PXDNL: variants seen among roughly 807,000 people sequenced by gnomAD.
PXDNL encodes peroxidasin like.
In PXDNL, 145 loss-of-function variants were observed where a neutral mutation model predicts 150.8. The observed-to-expected ratio is 0.96, with a 90% CI of 0.84 to 1.10. The LOEUF (loss-of-function observed/expected upper bound fraction) is 1.10, where lower values mean the gene tolerates loss of function less well. Among genes scored for constraint, PXDNL ranks in the 50% least tolerant of loss-of-function variants. The pLI, the probability that PXDNL is intolerant of heterozygous loss-of-function variation, is 0.00. For missense variants in PXDNL, 2,087 were observed against 1,873.9 expected (o/e 1.11, Z -2.10); for synonymous variants, 757 against 725.7 (o/e 1.04, Z -0.69).
intron 1 of PXDNL, among the ~76,000 whole-genome samples, chr8:51,765,895 G>A (rs1017985718): frequency 5.3e-5 from 8 of 150,506 alleles, no homozygotes; most frequent in African/African-American, 2.0e-4. Context: ...CCAGGCTGGA[G>A]TGCAGTGGTG....
At chr8:51,445,532 T>G (rs2129916145) in intron 12 of PXDNL, among the ~76,000 whole-genome samples, 1 of 152,322 alleles carries the variant, frequency 6.6e-6, no homozygotes, top group South Asian at 2.1e-4. Flanking sequence ...TAACACTAAT[T>G]TCAACAGGGG....
At chr8:51,668,873 T>A (rs2130825572) in intron 1 of PXDNL, among the ~76,000 whole-genome samples, 1 of 152,316 alleles carries the variant, frequency 6.6e-6, no homozygotes, top group East Asian at 1.9e-4. Flanking sequence ...AACTTTTAAA[T>A]GTTCTTGCAT....
At chr8:51,766,986 A>G (rs2037238837) in intron 1 of PXDNL, among the ~76,000 whole-genome samples, 1 of 151,390 alleles carries the variant, frequency 6.6e-6, no homozygotes, top group East Asian at 1.9e-4. Flanking sequence ...AGCTTTTTAG[A>G]TTCTCTTCAT....
chr8:51,617,685 T>G (rs1265354021), intron 2 of PXDNL, among the ~76,000 whole-genome samples: 2 of 152,256 alleles, frequency 1.3e-5, no homozygotes, highest in African/African-American at 4.8e-5. Flanking sequence ...ATTCCATTTT[T>G]TTTGTCTTTT....
At chr8:51,372,376 T>G (rs549664133) in intron 18 of PXDNL, among the ~76,000 whole-genome samples, 2 of 152,338 alleles carry the variant, frequency 1.3e-5, no homozygotes, top group East Asian at 3.9e-4. Context: ...TTTTAAATTT[T>G]TTTTAATTTT....
At position 51,715,329 on chromosome 8, in the gene PXDNL, A is replaced by C. The variant is rs1816592233; in HGVS notation, c.165-60569T>G. On this transcript the variant is annotated intron_variant, in intron 1 of 22. Transcript: ENST00000356297. ...TACACCTGATTTTGAATGGCAAAAC[A>C]GAGAGGGTGAGAGATTGAGTTAGTT... Among the ~76,000 whole-genome samples the C allele has an allele frequency of 7.2e-5, 11 of 152,328 alleles. No homozygotes were observed. In the South Asian group the frequency reaches 2.3e-3, roughly 32 times the overall value.
At chr8:51,610,628 A>G (rs1813980495) in intron 2 of PXDNL, among the ~76,000 whole-genome samples, 1 of 152,224 alleles carries the variant, frequency 6.6e-6, no homozygotes, top group South Asian at 2.1e-4. Context: ...GTTTAGGAGT[A>G]CAGGCATGGC....
intron 1 of PXDNL, among the ~76,000 whole-genome samples, chr8:51,670,232 G>A (rs944289818): frequency 2.9e-4 from 31 of 105,682 alleles, no homozygotes; most frequent in Middle Eastern, 5.1e-3. Flanking sequence ...GTGAAATTCC[G>A]TCTCACACAC....
At chr8:51,620,710 A>ATT (rs11444100) in intron 2 of PXDNL, among the ~76,000 whole-genome samples, 82 of 151,030 alleles carry the variant, frequency 5.4e-4, no homozygotes, top group African/African-American at 1.6e-3. Flanking sequence ...CGCCCGGCTA[A>ATT]TTTTTTTTTG....
intron 17 of PXDNL, among the ~76,000 whole-genome samples, chr8:51,377,105 T>TACACACACACACACAC (rs772419401): frequency 7.7e-4 from 109 of 140,698 alleles, no homozygotes; most frequent in Middle Eastern, 7.4e-3. Context: ...CTCTACCCTT[T>TACACACACACACACAC]ACACACACAC....
intron 4 of PXDNL, among the ~76,000 whole-genome samples, chr8:51,502,358 G>A (rs1811204831): frequency 6.6e-6 from 1 of 152,122 alleles, no homozygotes; most frequent in South Asian, 2.1e-4. Context: ...CTTGGGTATG[G>A]AAACAGATAC....
chr8:51,412,148 G>A (rs150861508), intron 15 of PXDNL, among the ~76,000 whole-genome samples: 2 of 152,264 alleles, frequency 1.3e-5, no homozygotes, highest in African/African-American at 4.8e-5. Flanking sequence ...AGAATGTGAA[G>A]CAAACTGTTT....
At chr8:51,615,608 C>T (rs529108621) in intron 2 of PXDNL, among the ~76,000 whole-genome samples, 1 of 152,068 alleles carries the variant, frequency 6.6e-6, no homozygotes, top group African/African-American at 2.4e-5. Context: ...CACCTAGAAA[C>T]AAGAATTTAG....
At chr8:51,743,369 C>A (rs2036927945) in intron 1 of PXDNL, among the ~76,000 whole-genome samples, 1 of 151,908 alleles carries the variant, frequency 6.6e-6, no homozygotes, top group Non-Finnish European at 1.5e-5. Context: ...AAGTGCCTGC[C>A]ACCGTGCCTG....
At chr8:51,403,213 T>TA (rs1164081608) in intron 17 of PXDNL, among the ~76,000 whole-genome samples, 5 of 152,010 alleles carry the variant, frequency 3.3e-5, no homozygotes, top group Non-Finnish European at 7.4e-5. Context: ...ATAAGCTCTT[T>TA]AAAAAATAAT....
chr8:51,486,780 A>T (rs1585514890), intron 5 of PXDNL, among the ~76,000 whole-genome samples: 4 of 17,798 alleles, frequency 2.2e-4, no homozygotes, highest in African/African-American at 8.4e-4. Flanking sequence ...ATATATATAT[A>T]TATATATATA....
In PXDNL at chr8:51,413,135, A is replaced by G; in HGVS notation, c.1904+15T>C. 1 of 1,442,494 alleles carries G rather than the reference A, an allele frequency of 6.9e-7. No homozygotes were observed. Among genetic ancestry groups the G allele is most frequent in the South Asian group, 1.1e-5 (1 of 87,254 alleles). 89.4% of individuals were successfully genotyped at this position (1,442,494 alleles called of 1,614,324 possible). On this transcript the variant is annotated intron_variant, in intron 15 of 22. Coordinates refer to ENST00000356297, the MANE Select transcript of PXDNL (RefSeq NM_144651.5). ...ATGAAAACAAGGTTTCAATCTGTGTAAAATAAATTCTTACTGTGAAAACAA... is the reference window on the plus strand; with the variant it reads ...ATGAAAACAAGGTTTCAATCTGTGTGAAATAAATTCTTACTGTGAAAACAA...
chr8:51,388,462 G>A (rs984738484), intron 17 of PXDNL, among the ~76,000 whole-genome samples: 2 of 151,984 alleles, frequency 1.3e-5, no homozygotes, highest in Non-Finnish European at 2.9e-5. Flanking sequence ...CTCATCCTGT[G>A]AGATTTTTGG....
intron 1 of PXDNL, among the ~76,000 whole-genome samples, chr8:51,723,019 G>A (rs974833267): frequency 1.3e-5 from 2 of 151,988 alleles, no homozygotes; most frequent in African/African-American, 4.8e-5. Flanking sequence ...ATTAGGTGCT[G>A]TATGTGGAGA....
Sources: gnomAD v4.1 joint callset for allele counts (sites outside exome capture counted in the v4.1 genomes callset) on GRCh38, gnomAD v4.1.1 for gene constraint, MANE v1.5 for transcripts, NCBI Gene and HGNC (gene_info 2026-07-23, HGNC 2026-07-21) for gene names.